KIRREL1: variants seen among roughly 807,000 people sequenced by gnomAD.
The protein encoded by KIRREL1 is kirre like nephrin family adhesion molecule 1.
Under a neutral mutation model 83.3 loss-of-function variants are expected in KIRREL1, and 25 were observed. The ratio of observed to expected loss-of-function variants is 0.30; its 90% CI spans 0.22 to 0.42. KIRREL1 has a LOEUF of 0.42. KIRREL1 is among the 10% of genes least tolerant of loss of function. The pLI is 1.00. For missense variants in KIRREL1, 812 were observed against 1,032.3 expected (o/e 0.79, Z 2.92); for synonymous variants, 388 against 410.4 (o/e 0.95, Z 0.66).
rs1662337933 is a variant in KIRREL1, at chr1:158,095,683, C to T, written c.*563C>T. The T allele has an allele frequency of 1.3e-5, 2 of 152,372 alleles. No individual in the cohort carries two copies. Among genetic ancestry groups the T allele is most frequent in the Admixed American group, 6.5e-5 (1 of 15,294 alleles). The allele number at this position is 152,372 out of a possible 1,614,324, so 9.4% of individuals were successfully genotyped here. The stretch of plus-strand genomic sequence containing the variant: ...GTTCGCTCTTGTCTACAGAACAGCC[C>T]TGGCACTGCATTCAAATCCAGTCTT... On this transcript the variant is annotated 3_prime_UTR_variant, in exon 15 of 15. Transcript: ENST00000359209.
intron 1 of KIRREL1, among the ~76,000 whole-genome samples, chr1:158,021,739 G>A (rs563107467): frequency 6.6e-6 from 1 of 152,240 alleles, no homozygotes; most frequent in Admixed American, 6.5e-5. Flanking sequence ...TTCTGGGGGT[G>A]TGGCAGCTGT....
chr1:158,084,294 G>A (rs577619830), intron 3 of KIRREL1, 128 bp from the exon 4 acceptor site: 2 of 803,480 alleles, frequency 2.5e-6, no homozygotes, highest in Admixed American at 3.0e-5. Flanking sequence ...TAGATTAGGG[G>A]GTAGGGTGGT....
chr1:158,078,217 C>A, intron 3 of KIRREL1, 77 bp downstream of exon 3: 1 of 1,459,546 alleles, frequency 6.9e-7, no homozygotes, highest in Non-Finnish European at 9.5e-7. Context: ...CTCTCCAGTT[C>A]CCTCTTTAAT....
chr1:158,033,977 GA>G (rs543534535), intron 1 of KIRREL1, among the ~76,000 whole-genome samples: 45 of 144,116 alleles, frequency 3.1e-4, no homozygotes, highest in Middle Eastern at 3.6e-3. Flanking sequence ...AACTCCATCG[GA>G]AAAAAAAAAA....
In KIRREL1 at chr1:158,095,293, T is replaced by C. The variant is rs1049498490; in HGVS notation, c.*173T>C. 1 of 598,886 alleles carries C rather than the reference T, an allele frequency of 1.7e-6. No individual in the cohort carries two copies. The highest frequency in any genetic ancestry group is 3.0e-5 in the Admixed American group (1 of 32,928). The allele number at this position is 598,886 out of a possible 1,614,324, so 37.1% of individuals were successfully genotyped here. On this transcript the variant is annotated 3_prime_UTR_variant, in exon 15 of 15. Coordinates refer to ENST00000359209, the MANE Select transcript of KIRREL1 (RefSeq NM_018240.7). ...AAACACCCCGTCCCGAGGATGGTGCTCTGTGCATGCCCCAGCCTCCTGGGC... is the reference window on the plus strand; with the variant it reads ...AAACACCCCGTCCCGAGGATGGTGCCCTGTGCATGCCCCAGCCTCCTGGGC...
intron 1 of KIRREL1, among the ~76,000 whole-genome samples, chr1:158,060,892 G>A (rs1661199266): frequency 6.6e-6 from 1 of 152,122 alleles, no homozygotes; most frequent in Non-Finnish European, 1.5e-5. Flanking sequence ...GGGGTGGCTG[G>A]ATGAAATACC....
intron 1 of KIRREL1, among the ~76,000 whole-genome samples, chr1:158,041,002 G>A (rs913479963): frequency 3.9e-5 from 6 of 152,208 alleles, no homozygotes; most frequent in African/African-American, 1.2e-4. Flanking sequence ...ATGGAACAGA[G>A]GAGAGAGAGC....
intron 1 of KIRREL1, among the ~76,000 whole-genome samples, chr1:158,033,373 C>T (rs74229867): frequency 0.057 from 8,685 of 152,172 alleles, 353 homozygotes; most frequent in South Asian, 0.21. Context: ...TGCTAGGCCC[C>T]GACTCACATT....
chr1:158,044,671 G>A (rs376986178), intron 1 of KIRREL1, among the ~76,000 whole-genome samples: 6 of 152,042 alleles, frequency 3.9e-5, no homozygotes, highest in South Asian at 2.1e-4. Flanking sequence ...GCTAATTTTC[G>A]CATTTTTAGT....
intron 1 of KIRREL1, among the ~76,000 whole-genome samples, chr1:158,047,346 G>C (rs1262385417): frequency 1.3e-5 from 2 of 152,172 alleles, no homozygotes; most frequent in Non-Finnish European, 2.9e-5. Flanking sequence ...CATGTGGAAA[G>C]TGCTGACAAG....
intron 1 of KIRREL1, among the ~76,000 whole-genome samples, chr1:158,067,198 A>T (rs1346127331): frequency 6.6e-6 from 1 of 152,096 alleles, no homozygotes; most frequent in Non-Finnish European, 1.5e-5. Flanking sequence ...CGCTTCAGGG[A>T]TCTCAGCTGC....
At chr1:158,024,674 G>A (rs1001927590) in intron 1 of KIRREL1, among the ~76,000 whole-genome samples, 26 of 152,154 alleles carry the variant, frequency 1.7e-4, no homozygotes, top group African/African-American at 6.3e-4. Context: ...TCCAACTGTA[G>A]AATGCCATAC....
Position 158,084,540 on chromosome 1 carries a change from C to T in KIRREL1, c.471C>T (p.Phe157=). 1 of 1,551,784 alleles carries T rather than the reference C, an allele frequency of 6.4e-7. No individual in the cohort carries two copies. The highest frequency in any genetic ancestry group is 8.7e-7 in the Non-Finnish European group (1 of 1,147,018). Residue 157 remains phenylalanine, a synonymous_variant, in exon 4 of 15, where the codon TTC becomes TTT. Transcript: ENST00000359209. ...AGCCTGCTGCCACCATCATCTGGTT[C>T]CGGGACGGGACGCAGCAGGAGGGCG... ...NAKPAATIIW[F]RDGTQQEGAV... is the part of the protein sequence containing the mutation.
chr1:158,094,342 G>C lies in KIRREL1; in HGVS notation c.1749G>C (p.Gln583His). The change falls in exon 14 of 15, where the codon CAG (glutamine) becomes CAC (histidine). Residue 583 changes from glutamine (Q) to histidine (H), a missense_variant. By Grantham distance (24) the Gln-to-His change is conservative. This residue lies in a region of KIRREL1 where 334 missense variants were observed against 383.7 expected (regional missense o/e 0.87). Coordinates refer to ENST00000359209, the MANE Select transcript of KIRREL1 (RefSeq NM_018240.7). The surrounding 1 kb of genome is among the most constrained non-coding windows in gnomAD (Gnocchi z 4.6). ...TTAAGGATGATGTGGATCTGAAGCA[G>C]GACCTGCGCTGCGACACCATCGACA... The part of the protein sequence containing the change: ...SSFKDDVDLK[Q>H]DLRCDTIDTR... 6.2e-7 allele frequency: 1 copy of C among 1,611,536 alleles called. No homozygotes were observed. Among genetic ancestry groups the C allele is most frequent in the Non-Finnish European group, 8.5e-7 (1 of 1,179,230 alleles).
chr1:158,010,344 CACACACACACACACACA>C (rs1659639786), intron 1 of KIRREL1, among the ~76,000 whole-genome samples: 3 of 147,990 alleles, frequency 2.0e-5, no homozygotes, highest in South Asian at 2.1e-4. Flanking sequence ...CACACACACA[CACACACACACACACACA>C]CCCCACACAG....
intron 3 of KIRREL1, among the ~76,000 whole-genome samples, chr1:158,080,723 A>G (rs1661824878): frequency 6.6e-6 from 1 of 151,954 alleles, no homozygotes; most frequent in South Asian, 2.1e-4. Flanking sequence ...GCAACATGTG[A>G]CCTTAGAGGG....
chr1:158,088,039 C>T lies in KIRREL1; in HGVS notation c.801C>T (p.Ala267=). 6.2e-7 allele frequency: 1 copy of T among 1,614,164 alleles called. No homozygotes were observed. The highest frequency in any genetic ancestry group is 8.5e-7 in the Non-Finnish European group (1 of 1,180,042). ...AAGGGGGTTTCTTGATTGAAGACGCCCACGAGAGTCGCTATGAGACAAATG... is the reference window on the plus strand; with the variant it reads ...AAGGGGGTTTCTTGATTGAAGACGCTCACGAGAGTCGCTATGAGACAAATG... ...WAKGGFLIED[A]HESRYETNVD... The change falls in exon 7 of 15, where the codon GCC becomes GCT. Residue 267 remains alanine (A), a synonymous_variant. Coordinates refer to ENST00000359209, the MANE Select transcript of KIRREL1 (RefSeq NM_018240.7).
intron 3 of KIRREL1, among the ~76,000 whole-genome samples, chr1:158,081,052 G>A (rs557293289): frequency 2.8e-5 from 4 of 142,132 alleles, no homozygotes; most frequent in African/African-American, 1.0e-4. Context: ...CAGGCCAGGG[G>A]CCCTCTTCAC....
chr1:158,095,324 C>T lies in KIRREL1; in HGVS notation c.*204C>T, dbSNP rs1571008007. ...CATGCCCCAGCCTCCTGGGCCTGCC[C>T]TTCCCTCTTCTTCGGGAGGATGTGT... is the stretch of plus-strand genomic sequence containing the variant. On this transcript the variant is annotated 3_prime_UTR_variant, in exon 15 of 15. Coordinates refer to ENST00000359209, the MANE Select transcript of KIRREL1 (RefSeq NM_018240.7). 1.8e-6 allele frequency: 1 copy of T among 542,164 alleles called. No individual in the cohort carries two copies. The highest frequency in any genetic ancestry group is 3.0e-5 in the East Asian group (1 of 33,188). The allele number at this position is 542,164 out of a possible 1,614,324, so 33.6% of individuals were successfully genotyped here. A position where few individuals can be genotyped will look rare whatever the true frequency, so the allele number is the denominator to read the frequency against.
Sources: gnomAD v4.1 joint callset for allele counts (sites outside exome capture counted in the v4.1 genomes callset) on GRCh38, gnomAD v4.1.1 for gene constraint, gnomAD v4.1.1 regional missense constraint, Gnocchi (gnomAD v3.1) non-coding constraint, MANE v1.5 for transcripts, NCBI Gene and HGNC (gene_info 2026-07-23, HGNC 2026-07-21) for gene names.